Variants in OXR1 observed in about 807,000 individuals in gnomAD.
The protein encoded by OXR1 is oxidation resistance 1, also known as oxidation resistance protein 1.
A neutral mutation model predicts 104.6 loss-of-function variants in OXR1; 41 were observed. That is an observed-to-expected ratio of 0.39 (90% CI 0.31 to 0.51). The LOEUF (loss-of-function observed/expected upper bound fraction) is 0.51. Among genes scored for constraint, OXR1 ranks in the 20% least tolerant of loss-of-function variants. The pLI is 0.77. For missense variants in OXR1, 955 were observed against 1,031.9 expected, an observed-to-expected ratio of 0.93 and a Z score of 1.02; for synonymous variants, 348 against 348.4, an observed-to-expected ratio of 1.00 and a Z score of 0.01.
At chr8:106,571,835 GA>G (rs557267796) in intron 3 of OXR1, among the ~76,000 whole-genome samples, 7 of 151,606 alleles carry the variant, frequency 4.6e-5, no homozygotes, top group South Asian at 2.1e-4. Flanking sequence ...TCCAAAAGAG[GA>G]AAAAAAACAG....
intron 1 of OXR1, among the ~76,000 whole-genome samples, chr8:106,294,269 G>A (rs959164394): frequency 6.6e-6 from 1 of 151,660 alleles, no homozygotes; most frequent in Non-Finnish European, 1.5e-5. Flanking sequence ...GGTGGCATGT[G>A]CCTGTGATCC....
At chr8:106,371,342 A>T (rs1239280627) in intron 2 of OXR1, among the ~76,000 whole-genome samples, 1 of 151,868 alleles carries the variant, frequency 6.6e-6, no homozygotes, top group Non-Finnish European at 1.5e-5. Context: ...TTCAAAAAAA[A>T]AGCAGCTTCT....
At chr8:106,600,303 C>T (rs1819875039) in intron 3 of OXR1, among the ~76,000 whole-genome samples, 1 of 152,204 alleles carries the variant, frequency 6.6e-6, no homozygotes, top group African/African-American at 2.4e-5. Flanking sequence ...CATACAAAGT[C>T]CATCCACAAA....
chr8:106,715,404 AAT>A (rs1832135081), intron 11 of OXR1, among the ~76,000 whole-genome samples: 1 of 148,014 alleles, frequency 6.8e-6, no homozygotes, highest in Non-Finnish European at 1.5e-5. Context: ...AAATATATAT[AAT>A]ATATATAATA....
chr8:106,275,242 G>T (rs547004523), intron 1 of OXR1, among the ~76,000 whole-genome samples: 20 of 152,210 alleles, frequency 1.3e-4, no homozygotes, highest in Non-Finnish European at 1.2e-4. Context: ...TGAGGTGAAA[G>T]GGGTCAGTTC....
At chr8:106,601,188 A>G (rs1431649280) in intron 3 of OXR1, among the ~76,000 whole-genome samples, 2 of 152,194 alleles carry the variant, frequency 1.3e-5, no homozygotes, top group African/African-American at 4.8e-5. Flanking sequence ...TTGAGAAAAT[A>G]CCCAAAAAAG....
chr8:106,693,497 T>G (rs1829525295), intron 7 of OXR1, among the ~76,000 whole-genome samples: 1 of 147,608 alleles, frequency 6.8e-6, no homozygotes, highest in South Asian at 2.2e-4. Flanking sequence ...TGGCGTGATC[T>G]CGGCTCACTG....
chr8:106,483,485 C>T (rs1202845330), intron 2 of OXR1, among the ~76,000 whole-genome samples: 1 of 151,810 alleles, frequency 6.6e-6, no homozygotes, highest in Non-Finnish European at 1.5e-5. Flanking sequence ...TTGCTTGAGC[C>T]TAGAAGTTTG....
chr8:106,368,852 C>A (rs999580098), intron 2 of OXR1, among the ~76,000 whole-genome samples: 1 of 152,146 alleles, frequency 6.6e-6, no homozygotes, highest in African/African-American at 2.4e-5. Flanking sequence ...AATAGTGCTG[C>A]AATAAACATA....
At chr8:106,636,727 A>G (rs1358938079) in intron 3 of OXR1, among the ~76,000 whole-genome samples, 1 of 126,046 alleles carries the variant, frequency 7.9e-6, no homozygotes, top group Non-Finnish European at 1.7e-5. Context: ...ACGAATACCT[A>G]TTAGGAGGAA....
intron 3 of OXR1, among the ~76,000 whole-genome samples, chr8:106,609,598 A>C (rs982007472): frequency 5.9e-5 from 9 of 152,200 alleles, no homozygotes; most frequent in Non-Finnish European, 1.3e-4. Context: ...TAACCTGAAA[A>C]TTAAAAGTGC....
intron 3 of OXR1, among the ~76,000 whole-genome samples, chr8:106,647,755 A>G (rs967909054): frequency 4.6e-5 from 7 of 152,194 alleles, no homozygotes; most frequent in African/African-American, 1.2e-4. Context: ...CAGCCTCCCA[A>G]CGTGCTTAGA....
chr8:106,705,865 G>A (rs551583731), intron 8 of OXR1, among the ~76,000 whole-genome samples: 1 of 152,152 alleles, frequency 6.6e-6, no homozygotes, highest in South Asian at 2.1e-4. Context: ...GTTTTATTCA[G>A]ATTGGTTTTA....
chr8:106,415,862 A>G (rs1378685110), intron 2 of OXR1, among the ~76,000 whole-genome samples: 1 of 152,072 alleles, frequency 6.6e-6, no homozygotes, highest in Admixed American at 6.6e-5. Context: ...TATGCGTTTG[A>G]TGCATAGCAT....
chr8:106,692,726 A>G lies in OXR1; in HGVS notation c.526-2A>G. ...TTTCTTTCCTTTAAAAAAAAAAAAA[A>G]GAATCCTGATGTCCATCCAACAGAA... On this transcript the variant is annotated splice_acceptor_variant, in intron 6 of 16. Coordinates refer to ENST00000517566, the MANE Select transcript of OXR1 (RefSeq NM_001198533.2). LOFTEE classifies it high-confidence loss of function. 7.1e-7 allele frequency: 1 copy of G among 1,415,324 alleles called. No individual in the cohort carries two copies. The highest frequency in any genetic ancestry group is 9.3e-7 in the Non-Finnish European group (1 of 1,070,202). 87.7% of individuals were successfully genotyped at this position (1,415,324 alleles called of 1,614,324 possible).
intron 1 of OXR1, among the ~76,000 whole-genome samples, chr8:106,296,384 A>G (rs1052845019): frequency 2.0e-5 from 3 of 152,180 alleles, no homozygotes; most frequent in African/African-American, 7.2e-5. Context: ...GATATTAGTA[A>G]TATGTATTGA....
In OXR1 at chr8:106,733,404, T is replaced by G. The variant is rs2131534452; in HGVS notation, c.1957-4116T>G. 2.0e-5 allele frequency among the ~76,000 whole-genome samples: 3 copies of G among 152,306 alleles called. No homozygotes were observed. The South Asian group carries it at 6.2e-4, about 32-fold the overall frequency. ...AGGTTTATCAATTTTATTGACCTTC[T>G]GAAAGATTACAAAATTGGCTTCTGG... On this transcript the variant is annotated intron_variant, in intron 11 of 16. Transcript: ENST00000517566.
chr8:106,438,294 T>C (rs771116823), intron 2 of OXR1, among the ~76,000 whole-genome samples: 2 of 152,112 alleles, frequency 1.3e-5, no homozygotes, highest in African/African-American at 2.4e-5. Context: ...AATGGTTATA[T>C]CTACCTATGT....
intron 2 of OXR1, among the ~76,000 whole-genome samples, chr8:106,517,599 C>T (rs1812945219): frequency 6.6e-6 from 1 of 152,240 alleles, no homozygotes; most frequent in East Asian, 1.9e-4. Context: ...ATTCCAATCG[C>T]TTCTCATCAC....
Sources: allele counts gnomAD v4.1 joint callset (sites outside exome capture counted in the v4.1 genomes callset), GRCh38; gene constraint gnomAD v4.1.1; transcripts MANE v1.5; gene names NCBI Gene and HGNC (gene_info 2026-07-23, HGNC 2026-07-21).